Variants in PCLO observed in about 807,000 individuals in gnomAD.
PCLO encodes the protein protein piccolo.
In PCLO, 82 loss-of-function variants were observed where a neutral mutation model predicts 427.5. That is an observed-to-expected ratio of 0.19 (90% CI 0.16 to 0.23). The LOEUF (loss-of-function observed/expected upper bound fraction) is 0.23, where lower values mean the gene tolerates loss of function less well. PCLO is among the 10% of genes least tolerant of loss of function. PCLO has a pLI of 1.00. For synonymous variants in PCLO, 2,357 were observed against 2,155.4 expected (o/e 1.09, Z -2.59); for missense variants, 6,239 against 6,115.9 (o/e 1.02, Z -0.67).
At chr7:82,966,777 C>A (rs1489049461) in intron 3 of PCLO, among the ~76,000 whole-genome samples, 1 of 152,042 alleles carries the variant, frequency 6.6e-6, no homozygotes, top group African/African-American at 2.4e-5. Context: ...GAGAAATATT[C>A]ATTTTCAGGA....
intron 3 of PCLO, among the ~76,000 whole-genome samples, chr7:82,997,270 A>G (rs1787646284): frequency 6.6e-6 from 1 of 151,972 alleles, no homozygotes; most frequent in Non-Finnish European, 1.5e-5. Flanking sequence ...ATTATAGGCT[A>G]TCTCAGAAAA....
intron 3 of PCLO, among the ~76,000 whole-genome samples, chr7:83,121,680 A>C (rs552097619): frequency 1.8e-5 from 2 of 108,892 alleles, no homozygotes; most frequent in African/African-American, 4.3e-5. Context: ...GGATGGAAAA[A>C]GATATTTCAT....
chr7:82,820,985 T>G (rs1791777059), intron 20 of PCLO: 1 of 1,226,844 alleles, frequency 8.2e-7, no homozygotes, highest in Admixed American at 4.2e-5. Context: ...TGAAATGCCA[T>G]GCCCACAAAA....
chr7:82,891,583 G>A (rs1793767153), intron 9 of PCLO, among the ~76,000 whole-genome samples: 1 of 152,086 alleles, frequency 6.6e-6, no homozygotes, highest in Non-Finnish European at 1.5e-5. Flanking sequence ...TTGAATAGGA[G>A]TGGTGACAGA....
chr7:82,953,271 A>G lies in PCLO; in HGVS notation c.7682T>C (p.Leu2561Pro), dbSNP rs760552932. The part of the protein sequence containing the change: ...DYKLPSPTSP[L>P]SPHSNKSSPR... Reference sequence around the variant, plus strand: ...TGAAGACTTGTTGGAGTGTGGGGAAAGTGGGGAGGTAGGGGAAGGCAATTT... The same window carrying G: ...TGAAGACTTGTTGGAGTGTGGGGAAGGTGGGGAGGTAGGGGAAGGCAATTT... Residue 2561 changes from leucine (L) to proline (P), a missense_variant, in exon 5 of 25, where the codon CTT becomes CCT. Coordinates refer to ENST00000333891, the MANE Select transcript of PCLO (RefSeq NM_033026.6). 8.1e-6 allele frequency: 13 copies of G among 1,613,762 alleles called. No individual in the cohort carries two copies. In the South Asian group the frequency reaches 8.8e-5, roughly 11 times the overall value.
At position 82,915,063 on chromosome 7, in the gene PCLO, T is replaced by A; in HGVS notation, c.12923A>T (p.Asp4308Val). 6.2e-7 allele frequency: 1 copy of A among 1,611,678 alleles called. No individual in the cohort carries two copies. The highest frequency in any genetic ancestry group is 8.5e-7 in the Non-Finnish European group (1 of 1,178,750). ...CAGTCTTAGGGAAGAGCTAGAAGAA[T>A]CCCTTTTAATTGATAAATCAAGCCC... ...VYGLDLSIKRDSSSSSLRLKA... is the reference protein window; with the variant it reads ...VYGLDLSIKRVSSSSSLRLKA... The change falls in exon 7 of 25, where the codon GAT becomes GTT. Residue 4308 changes from aspartate (D) to valine (V), a missense_variant. Physicochemically the swap from Asp to Val is radical, Grantham distance 152. This residue lies in a region of PCLO where 680 missense variants were observed against 677.3 expected (regional missense o/e 1.00). Coordinates refer to ENST00000333891, the MANE Select transcript of PCLO (RefSeq NM_033026.6).
Position 83,156,243 on chromosome 7 carries a change from A to C in PCLO, c.398T>G (p.Ile133Ser), listed in dbSNP as rs760491380. The C allele has an allele frequency of 1.9e-6, 3 of 1,613,814 alleles. No individual in the cohort carries two copies. The South Asian group carries it at 3.3e-5, about 18-fold the overall frequency. Residue 133 changes from isoleucine to serine, a missense_variant, in exon 2 of 25, where the codon ATT becomes AGT. Ile to Ser is a moderately radical substitution (Grantham distance 142, BLOSUM62 -2). This residue lies in a region of PCLO where 4,677 missense variants were observed against 4,468.4 expected (regional missense o/e 1.05). Coordinates refer to ENST00000333891, the MANE Select transcript of PCLO (RefSeq NM_033026.6). ...TCTGGACTTTGATTCTTTCAAGCTA[A>C]TAGTGGAAGGACTCCTCCCAGGCAA... The part of the protein sequence containing the change: ...QKLPGRSPST[I>S]SLKESKSRTD...
In PCLO at chr7:82,953,678, TGGGGGAGGAGGGGGTGGTGGTGGA is replaced by T; in HGVS notation, c.7251_7274del (p.Pro2419_Pro2426del). ...TAGGTGAAGTTGGTGGAGGAAGTGG[TGGGGGAGGAGGGGGTGGTGGTGGA>T]GGAGGAGGAGGAGGGGGAGGGGGAG... On this transcript the variant is annotated inframe_deletion, in exon 5 of 25. Coordinates refer to ENST00000333891, the MANE Select transcript of PCLO (RefSeq NM_033026.6). 1 of 978,572 alleles carries T rather than the reference TGGGGGAGGAGGGGGTGGTGGTGGA, an allele frequency of 1.0e-6. No individual in the cohort carries two copies. The highest frequency in any genetic ancestry group is 3.1e-5 in the Admixed American group (1 of 32,322). The allele number at this position is 978,572 out of a possible 1,614,324, so 60.6% of individuals were successfully genotyped here.
intron 3 of PCLO, among the ~76,000 whole-genome samples, chr7:83,122,989 A>G (rs1791327306): frequency 6.6e-6 from 1 of 152,212 alleles, no homozygotes; most frequent in African/African-American, 2.4e-5. Flanking sequence ...TGGAAAGGAC[A>G]CAAAAAAGGA....
At chr7:82,805,277 T>C (rs1048101869) in intron 21 of PCLO, among the ~76,000 whole-genome samples, 1 of 152,188 alleles carries the variant, frequency 6.6e-6, no homozygotes, top group Non-Finnish European at 1.5e-5. Flanking sequence ...ATTTCAAATA[T>C]GATATATGGA....
In PCLO at chr7:82,909,082, T is replaced by A; in HGVS notation, c.13301-69A>T. ...TACAGATGATTGAGGGAAGCAGATG[T>A]TCTGTAGTACTAGCATGCACTAGGC... On this transcript the variant is annotated intron_variant, in intron 7 of 24. Transcript: ENST00000333891. The A allele has an allele frequency of 2.0e-6, 3 of 1,505,690 alleles. No individual in the cohort carries two copies. In the South Asian group the frequency reaches 3.5e-5, roughly 18 times the overall value. The allele number at this position is 1,505,690 out of a possible 1,614,324, so 93.3% of individuals were successfully genotyped here.
At chr7:82,835,148 G>A (rs896049454) in intron 16 of PCLO, among the ~76,000 whole-genome samples, 1 of 151,982 alleles carries the variant, frequency 6.6e-6, no homozygotes, top group African/African-American at 2.4e-5. Flanking sequence ...GTTTCACTGT[G>A]TTAGCTAGGA....
chr7:82,797,786 G>A (rs7804652), intron 22 of PCLO, among the ~76,000 whole-genome samples: 54,761 of 151,772 alleles, frequency 0.36, 10,459 homozygotes, highest in African/African-American at 0.46. Context: ...CCCTTCATAG[G>A]GCTCACATTC....
rs890924482 is a variant in PCLO at position 83,025,978 on chromosome 7, C to T, written c.3301-59491G>A. On this transcript the variant is annotated intron_variant, in intron 3 of 24. Transcript: ENST00000333891. The stretch of plus-strand genomic sequence containing the variant: ...AGCGCTAAACATGGAAAGGAACAAC[C>T]GGTACCAGCCGCGGCAAAATCATGC... 1.8e-3 allele frequency among the ~76,000 whole-genome samples: 280 copies of T among 151,944 alleles called. 1 individual carries two copies. The highest frequency in any genetic ancestry group is 6.2e-3 in the African/African-American group (255 of 41,444).
chr7:83,009,153 CT>C, intron 3 of PCLO, among the ~76,000 whole-genome samples: 2 of 151,852 alleles, frequency 1.3e-5, no homozygotes, highest in Admixed American at 1.3e-4. Context: ...CTGGTTCTTT[CT>C]TGTCTCCATG....
chr7:83,032,975 T>G (rs1788708933), intron 3 of PCLO, among the ~76,000 whole-genome samples: 1 of 152,096 alleles, frequency 6.6e-6, no homozygotes, highest in Non-Finnish European at 1.5e-5. Context: ...GGTGATTTCC[T>G]CCATGCTGTT....
intron 3 of PCLO, among the ~76,000 whole-genome samples, chr7:83,121,060 G>C (rs1421478375): frequency 6.6e-6 from 1 of 152,142 alleles, no homozygotes; most frequent in South Asian, 2.1e-4. Context: ...GAGGTGGGCA[G>C]ATCACGAGGT....
chr7:82,754,670 C>T lies in PCLO; in HGVS notation c.*3905G>A, dbSNP rs930233889. ...TTAAATAATTTTGGCCTAATGGATA[C>T]CTTTAATAATAGAACATGAAACATA... is the stretch of plus-strand genomic sequence containing the variant. On this transcript the variant is annotated 3_prime_UTR_variant, in exon 25 of 25. Transcript: ENST00000333891. 4 of 152,008 alleles carry T rather than the reference C, an allele frequency of 2.6e-5. No homozygotes were observed. Among genetic ancestry groups the T allele is most frequent in the Non-Finnish European group, 4.4e-5 (3 of 67,950 alleles). 9.4% of individuals were successfully genotyped at this position (152,008 alleles called of 1,614,324 possible).
In PCLO at chr7:82,916,148, T is replaced by C. The variant is rs867588347; in HGVS notation, c.11838A>G (p.Pro3946=). 3 of 1,613,602 alleles carry C rather than the reference T, an allele frequency of 1.9e-6. No homozygotes were observed. Among genetic ancestry groups the C allele is most frequent in the Middle Eastern group, 1.7e-4 (1 of 6,058 alleles). Residue 3946 remains proline, a synonymous_variant, in exon 7 of 25, where the codon CCA becomes CCG. Transcript: ENST00000333891. The part of the protein sequence containing the change: ...FTPQVQPTPT[P]QPSYQLPSQM... ...GTGAAGGTAACTGATAAGAAGGCTG[T>C]GGGGTTGGTGTAGGTTGAACTTGAG... is the stretch of plus-strand genomic sequence containing the variant.
Sources: gnomAD v4.1 joint callset for allele counts (sites outside exome capture counted in the v4.1 genomes callset) on GRCh38, gnomAD v4.1.1 for gene constraint, gnomAD v4.1.1 regional missense constraint, MANE v1.5 for transcripts, NCBI Gene and HGNC (gene_info 2026-07-23, HGNC 2026-07-21) for gene names.